ZDHHC21: variants seen among roughly 807,000 people sequenced by gnomAD.
ZDHHC21 encodes the protein zDHHC palmitoyltransferase 21.
Under a neutral mutation model 34.6 loss-of-function variants are expected in ZDHHC21, and 15 were observed. The ratio of observed to expected loss-of-function variants is 0.43; its 90% CI spans 0.29 to 0.67. The LOEUF (loss-of-function observed/expected upper bound fraction) is 0.67, where lower values mean the gene tolerates loss of function less well. ZDHHC21 is among the 30% of genes least tolerant of loss of function. ZDHHC21 has a pLI of 0.14. For missense variants in ZDHHC21, 344 were observed against 327.7 expected (o/e 1.05, Z -0.38); for synonymous variants, 142 against 101.8 (o/e 1.40, Z -2.38).
intron 4 of ZDHHC21, 47 bp downstream of exon 4, chr9:14,674,140 C>A (rs778137168): frequency 1.0e-5 from 14 of 1,371,002 alleles, no homozygotes; most frequent in Non-Finnish European, 1.3e-5. Flanking sequence ...AAAACGTTTA[C>A]AATGAGAAAA....
rs1203563655 is a variant in ZDHHC21, at chr9:14,611,774, T to C, written c.*7192A>G. ...GCATGATCCACGTGTGCTCTGTCCT[T>C]GCAAGAGCCTAGCTTTGTCCTCCCG... On this transcript the variant is annotated 3_prime_UTR_variant, in exon 10 of 10. Coordinates refer to ENST00000380916, the MANE Select transcript of ZDHHC21 (RefSeq NM_178566.6). 1 of 152,046 alleles carries C rather than the reference T, an allele frequency of 6.6e-6. No individual in the cohort carries two copies. The highest frequency in any genetic ancestry group is 1.9e-4 in the East Asian group (1 of 5,184). The allele number at this position is 152,046 out of a possible 1,614,324, so 9.4% of individuals were successfully genotyped here.
Position 14,639,929 on chromosome 9 carries a change from T to G in ZDHHC21, c.588A>C (p.Gly196=). 6.2e-7 allele frequency: 1 copy of G among 1,606,234 alleles called. No homozygotes were observed. Among genetic ancestry groups the G allele is most frequent in the Non-Finnish European group, 8.5e-7 (1 of 1,175,458 alleles). ...MGITMLVGIT[G]LFYTQLIGII... The stretch of plus-strand genomic sequence containing the variant: ...TGCCAATTAGTTGAGTGTAAAAGAG[T>G]CCAGTTATTCCAACTAACATAGTAA... Residue 196 remains glycine, a synonymous_variant, in exon 8 of 10, where the codon GGA becomes GGC. Transcript: ENST00000380916.
the ZDHHC21 span, among the ~76,000 whole-genome samples, chr9:14,600,371 G>C: frequency 6.6e-6 from 1 of 152,004 alleles, no homozygotes; most frequent in Non-Finnish European, 1.5e-5. Flanking sequence ...AGCAGACAGA[G>C]AACCAAATCA....
intron 4 of ZDHHC21, among the ~76,000 whole-genome samples, chr9:14,673,608 G>T (rs1835856922): frequency 6.6e-6 from 1 of 151,516 alleles, no homozygotes; most frequent in Non-Finnish European, 1.5e-5. Flanking sequence ...GTACCGGTCA[G>T]TTTTATCATA....
chr9:14,596,163 C>A, the ZDHHC21 span, among the ~76,000 whole-genome samples: 1 of 152,114 alleles, frequency 6.6e-6, no homozygotes, highest in African/African-American at 2.4e-5. Flanking sequence ...GGAAAGCAAC[C>A]CAAATGTTTA....
chr9:14,643,745 G>A (rs919423257), intron 7 of ZDHHC21, among the ~76,000 whole-genome samples: 1 of 152,068 alleles, frequency 6.6e-6, no homozygotes, highest in Non-Finnish European at 1.5e-5. Context: ...TTTACTTTTT[G>A]TATATGAATA....
At position 14,693,347 on chromosome 9, in the gene ZDHHC21, T is replaced by C; in HGVS notation, c.-343A>G. On this transcript the variant is annotated 5_prime_UTR_variant, in exon 1 of 10. Coordinates refer to ENST00000380916, the MANE Select transcript of ZDHHC21 (RefSeq NM_178566.6). ...CGCCGCCGCCCAGGCCGGGCCGCTC[T>C]CCCCTTCCGCTTCCGGGAGCCTGAG... 2.4e-6 allele frequency: 1 copy of C among 409,376 alleles called. No homozygotes were observed. Among genetic ancestry groups the C allele is most frequent in the Non-Finnish European group, 4.8e-6 (1 of 208,100 alleles). The allele number at this position is 409,376 out of a possible 1,614,324, so 25.4% of individuals were successfully genotyped here. A position where few individuals can be genotyped will look rare whatever the true frequency, so the allele number is the denominator to read the frequency against.
downstream of ZDHHC21, among the ~76,000 whole-genome samples, chr9:14,609,822 G>A (rs910759392): frequency 2.6e-5 from 4 of 152,038 alleles, no homozygotes; most frequent in African/African-American, 7.2e-5. Context: ...GAGTTTTAGT[G>A]TAGTACCAGA....
chr9:14,604,498 C>T, the ZDHHC21 span, among the ~76,000 whole-genome samples: 21 of 152,186 alleles, frequency 1.4e-4, no homozygotes, highest in African/African-American at 5.1e-4. Flanking sequence ...TTCACACTGA[C>T]TTTAGGATGG....
intron 4 of ZDHHC21, 31 bp from the exon 5 acceptor site, chr9:14,672,959 C>T: frequency 7.4e-7 from 1 of 1,344,952 alleles, no homozygotes; most frequent in South Asian, 1.5e-5. Flanking sequence ...ATAAATTAGT[C>T]ACTTACCCTT....
At chr9:14,632,345 T>G (rs1327486009) in intron 8 of ZDHHC21, among the ~76,000 whole-genome samples, 1 of 151,974 alleles carries the variant, frequency 6.6e-6, no homozygotes, top group Non-Finnish European at 1.5e-5. Context: ...TATTCAATGG[T>G]GGAAAGAATT....
At chr9:14,638,552 T>C (rs1828714270) in intron 8 of ZDHHC21, among the ~76,000 whole-genome samples, 1 of 151,836 alleles carries the variant, frequency 6.6e-6, no homozygotes, top group South Asian at 2.1e-4. Context: ...CTCTATTAAA[T>C]TAAAAAGCTG....
chr9:14,619,212 C>T (rs1161459387), intron 9 of ZDHHC21, 114 bp from the exon 10 acceptor site: 12 of 1,141,376 alleles, frequency 1.1e-5, no homozygotes, highest in Non-Finnish European at 1.3e-5. Context: ...AATTGTGTCC[C>T]AGCATCATAA....
intron 7 of ZDHHC21, among the ~76,000 whole-genome samples, chr9:14,641,116 T>C (rs1222733108): frequency 4.6e-5 from 7 of 152,090 alleles, no homozygotes; most frequent in African/African-American, 1.4e-4. Context: ...ACTTCAAAAA[T>C]AGGAAGGCCA....
In ZDHHC21 at chr9:14,626,191, T is replaced by A. The variant is rs539438234; in HGVS notation, c.622-6509A>T. Among the ~76,000 whole-genome samples the A allele has an allele frequency of 1.3e-3, 194 of 152,118 alleles. 3 individuals carry two copies. The highest frequency in any genetic ancestry group is 4.4e-3 in the African/African-American group (183 of 41,568). On this transcript the variant is annotated intron_variant, in intron 8 of 9. Coordinates refer to ENST00000380916, the MANE Select transcript of ZDHHC21 (RefSeq NM_178566.6). ...TGGGCATTTAACATGCCCCTTTGGC[T>A]GAGATTCAGGGAATAATAATATATC...
At chr9:14,635,507 G>A (rs570343904) in intron 8 of ZDHHC21, among the ~76,000 whole-genome samples, 3 of 152,292 alleles carry the variant, frequency 2.0e-5, no homozygotes, top group Admixed American at 1.3e-4. Flanking sequence ...AACTTTATAG[G>A]CCAGGAGAAA....
intron 8 of ZDHHC21, among the ~76,000 whole-genome samples, chr9:14,634,551 C>T (rs62532734): frequency 0.12 from 17,507 of 152,218 alleles, 1,089 homozygotes; most frequent in Non-Finnish European, 0.14. Context: ...CTAACAACCA[C>T]ACCCTAAGCC....
intron 7 of ZDHHC21, among the ~76,000 whole-genome samples, chr9:14,648,728 G>A (rs957378644): frequency 2.6e-5 from 4 of 151,874 alleles, no homozygotes; most frequent in Admixed American, 2.6e-4. Flanking sequence ...CTAGACGAAG[G>A]GGAAGTGAAT....
rs1399106181 is a variant in ZDHHC21, at chr9:14,613,756, C to G, written c.*5210G>C. 6.6e-6 allele frequency: 1 copy of G among 151,598 alleles called. No individual in the cohort carries two copies. Among genetic ancestry groups the G allele is most frequent in the Admixed American group, 6.6e-5 (1 of 15,156 alleles). 9.4% of individuals were successfully genotyped at this position (151,598 alleles called of 1,614,324 possible). ...CACCCTTATATATTGTTTATTTTTCCTCTGGTGACAAAATTTTCTATACAC... is the reference window on the plus strand; with the variant it reads ...CACCCTTATATATTGTTTATTTTTCGTCTGGTGACAAAATTTTCTATACAC... On this transcript the variant is annotated 3_prime_UTR_variant, in exon 10 of 10. Transcript: ENST00000380916.
Sources: gnomAD v4.1 joint callset for allele counts (sites outside exome capture counted in the v4.1 genomes callset) on GRCh38, gnomAD v4.1.1 for gene constraint, MANE v1.5 for transcripts, NCBI Gene and HGNC (gene_info 2026-07-23, HGNC 2026-07-21) for gene names.